The following NFKB1 variants were observed in gnomAD, a reference collection of about 807,000 sequenced individuals.
NFKB1 encodes nuclear factor NF-kappa-B p105 subunit.
In NFKB1, 9 loss-of-function variants were observed where a neutral mutation model predicts 105.1. That is an observed-to-expected ratio of 0.09 (90% CI 0.05 to 0.15). The LOEUF is 0.15. Ranked by LOEUF, NFKB1 falls within the 10% of genes least tolerant of loss-of-function variation. NFKB1 has a pLI of 1.00. For synonymous variants in NFKB1, 440 were observed against 442.2 expected (o/e 1.00, Z 0.06); for missense variants, 830 against 1,203.7 (o/e 0.69, Z 4.59).
intron 5 of NFKB1, among the ~76,000 whole-genome samples, chr4:102,555,384 G>A (rs1027343030): frequency 4.6e-5 from 7 of 152,166 alleles, no homozygotes; most frequent in Non-Finnish European, 8.8e-5. Flanking sequence ...TGGAAAAACA[G>A]AGAAAATTAA....
intron 8 of NFKB1, 24 bp from the exon 9 acceptor site, chr4:102,580,511 T>G (rs756355716): frequency 1.3e-6 from 2 of 1,595,744 alleles, no homozygotes; most frequent in African/African-American, 2.7e-5. Context: ...ATCATGTTAT[T>G]TGTTGTTTTT....
At chr4:102,574,717 C>G (rs970828236) in intron 6 of NFKB1, among the ~76,000 whole-genome samples, 1 of 152,104 alleles carries the variant, frequency 6.6e-6, no homozygotes, top group South Asian at 2.1e-4. Context: ...TTTCTAGTGT[C>G]TAAAAACCAT....
At chr4:102,522,975 T>C (rs1274908426) in intron 1 of NFKB1, among the ~76,000 whole-genome samples, 2 of 152,178 alleles carry the variant, frequency 1.3e-5, no homozygotes, top group African/African-American at 4.8e-5. Context: ...CGTGTAAAAA[T>C]CCAAGTTTAC....
intron 22 of NFKB1, 66 bp downstream of exon 22, chr4:102,612,672 G>T: frequency 7.1e-7 from 1 of 1,411,068 alleles, no homozygotes; most frequent in Non-Finnish European, 9.8e-7. Context: ...TCTCTGGCCA[G>T]GGCATAATCT....
intron 4 of NFKB1, among the ~76,000 whole-genome samples, chr4:102,535,088 A>G (rs986824448): frequency 3.9e-5 from 6 of 152,102 alleles, no homozygotes; most frequent in Admixed American, 1.3e-4. Flanking sequence ...GTAACACTCC[A>G]TTGCTCTACC....
Position 102,616,538 on chromosome 4 carries a change from CT to C in NFKB1, c.2855del (p.Leu952ProfsTer14). On this transcript the variant is annotated frameshift_variant, in exon 24 of 24. Coordinates refer to ENST00000226574, the MANE Select transcript of NFKB1 (RefSeq NM_003998.4). LOFTEE classifies it high-confidence loss of function. ...SLTSGASLLT[L>X]NKMPHDYGQE... The stretch of plus-strand genomic sequence containing the variant: ...GACCAGTGGTGCCTCACTGCTAACT[CT>C]CAACAAAATGCCCCATGATTATGGG... 4 of 1,614,124 alleles carry C rather than the reference CT, an allele frequency of 2.5e-6. No homozygotes were observed. Among genetic ancestry groups the C allele is most frequent in the Non-Finnish European group, 3.4e-6 (4 of 1,180,028 alleles).
chr4:102,513,602 A>G (rs191435497), intron 1 of NFKB1, among the ~76,000 whole-genome samples: 42 of 152,316 alleles, frequency 2.8e-4, no homozygotes, highest in Admixed American at 4.6e-4. Flanking sequence ...TGATACAGCA[A>G]TAATTTAGAT....
chr4:102,568,199 T>C (rs1246011709), intron 6 of NFKB1, among the ~76,000 whole-genome samples: 1 of 152,166 alleles, frequency 6.6e-6, no homozygotes, highest in South Asian at 2.1e-4. Context: ...TAGGTATTTC[T>C]TTGTTTGACT....
At chr4:102,557,937 C>A (rs1723112294) in intron 5 of NFKB1, among the ~76,000 whole-genome samples, 1 of 152,122 alleles carries the variant, frequency 6.6e-6, no homozygotes, top group Admixed American at 6.6e-5. Flanking sequence ...CAGCCAGAAA[C>A]CCTGCCTCCA....
chr4:102,516,674 T>C (rs1042169444), intron 1 of NFKB1, among the ~76,000 whole-genome samples: 17 of 152,212 alleles, frequency 1.1e-4, no homozygotes, highest in Non-Finnish European at 2.4e-4. Flanking sequence ...GACCATATGC[T>C]ATTAGCTATT....
At chr4:102,529,186 TA>T (rs1230649852) in intron 2 of NFKB1, among the ~76,000 whole-genome samples, 2 of 152,140 alleles carry the variant, frequency 1.3e-5, no homozygotes, top group African/African-American at 4.8e-5. Flanking sequence ...CAGACATGTT[TA>T]GGGGGTCGTT....
Position 102,613,415 on chromosome 4 carries a change from T to C in NFKB1, c.2593-10T>C, listed in dbSNP as rs1278183830. On this transcript the variant is annotated splice_polypyrimidine_tract_variant and intron_variant, in intron 22 of 23. Transcript: ENST00000226574. ...CAAGAACATGCTCCTCCTTCCTTTCTTTCTCACAGGTCTCTGGGGGTACAG... is the reference window on the plus strand; with the variant it reads ...CAAGAACATGCTCCTCCTTCCTTTCCTTCTCACAGGTCTCTGGGGGTACAG... The C allele has an allele frequency of 6.2e-7, 1 of 1,612,642 alleles. No individual in the cohort carries two copies. Among genetic ancestry groups the C allele is most frequent in the Non-Finnish European group, 8.5e-7 (1 of 1,179,154 alleles).
intron 6 of NFKB1, 99 bp from the exon 7 acceptor site, chr4:102,576,777 T>G: frequency 8.2e-7 from 1 of 1,223,118 alleles, no homozygotes; most frequent in Non-Finnish European, 1.2e-6. Flanking sequence ...TGAGGGCCTG[T>G]GTATTTTTTT....
intron 1 of NFKB1, chr4:102,503,412 A>G (rs1346243920): frequency 6.6e-6 from 1 of 152,082 alleles, no homozygotes; most frequent in Non-Finnish European, 1.5e-5. Context: ...CGTTATATGT[A>G]CATTTAATAC....
chr4:102,592,309 A>G (rs1726241094), intron 11 of NFKB1, among the ~76,000 whole-genome samples: 1 of 152,262 alleles, frequency 6.6e-6, no homozygotes. Context: ...AAAACTGTGG[A>G]TAAAATGTTA....
chr4:102,537,288 A>C (rs1043745472), intron 4 of NFKB1, among the ~76,000 whole-genome samples: 15 of 152,322 alleles, frequency 9.8e-5, no homozygotes, highest in African/African-American at 3.4e-4. Flanking sequence ...ATTAATAATC[A>C]TAAAAACAAA....
chr4:102,505,194 C>T (rs1341110850), intron 1 of NFKB1, among the ~76,000 whole-genome samples: 3 of 152,126 alleles, frequency 2.0e-5, no homozygotes, highest in African/African-American at 7.2e-5. Context: ...GTGCAAATTG[C>T]ATTGCTACAC....
rs184920979 is a variant in NFKB1 at position 102,575,666 on chromosome 4, C to A, written c.408-1210C>A. ...ATTCATATGTTCATGTCTTCCCCAT[C>A]GCTTCCTTCAAGTTTTTGCTCAGTT... On this transcript the variant is annotated intron_variant, in intron 6 of 23. Coordinates refer to ENST00000226574, the MANE Select transcript of NFKB1 (RefSeq NM_003998.4). Among the ~76,000 whole-genome samples, 8 of 152,276 alleles carry A rather than the reference C, an allele frequency of 5.3e-5. No homozygotes were observed. The East Asian group carries it at 1.5e-3, about 29-fold the overall frequency.
intron 5 of NFKB1, among the ~76,000 whole-genome samples, chr4:102,554,396 G>A (rs1722831160): frequency 6.6e-6 from 1 of 152,104 alleles, no homozygotes; most frequent in Non-Finnish European, 1.5e-5. Context: ...GTGTAATAGA[G>A]AACATTCTTC....
Sources: allele counts gnomAD v4.1 joint callset (sites outside exome capture counted in the v4.1 genomes callset), GRCh38; gene constraint gnomAD v4.1.1; transcripts MANE v1.5; gene names NCBI Gene and HGNC (gene_info 2026-07-23, HGNC 2026-07-21).